Variants in MACF1 observed in about 807,000 individuals in gnomAD.
MACF1 encodes the protein microtubule actin crosslinking factor 1, also known as microtubule-actin cross-linking factor 1.
In MACF1, 193 loss-of-function variants were observed where a neutral mutation model predicts 854.8. That is an observed-to-expected ratio of 0.23 (90% CI 0.20 to 0.25). MACF1 has a LOEUF of 0.25. Among genes scored for constraint, MACF1 ranks in the 10% least tolerant of loss-of-function variants. The probability of loss-of-function intolerance (pLI) is 1.00; values close to 1 mark genes in which losing one functional copy is unlikely to be tolerated. For synonymous variants in MACF1, 3,185 were observed against 3,226.7 expected (o/e 0.99, Z 0.44); for missense variants, 7,722 against 8,929.1 (o/e 0.86, Z 5.45).
intron 2 of MACF1, among the ~76,000 whole-genome samples, chr1:39,094,349 C>T (rs891647921): frequency 6.6e-6 from 1 of 151,528 alleles, no homozygotes; most frequent in Non-Finnish European, 1.5e-5. Context: ...TTGTGGTGAA[C>T]TGAGCTCACG....
chr1:39,422,900 GGTAA>G lies in MACF1; in HGVS notation c.16149+3_16149+6del, dbSNP rs1236578805. The G allele has an allele frequency of 6.2e-7, 1 of 1,613,668 alleles. No homozygotes were observed. The highest frequency in any genetic ancestry group is 2.2e-5 in the East Asian group (1 of 44,862). On this transcript the variant is annotated splice_donor_variant and splice_donor_region_variant and intron_variant, in intron 60 of 100. Coordinates refer to ENST00000564288, the MANE Select transcript of MACF1 (RefSeq NM_001394062.1). LOFTEE classifies it high-confidence loss of function. ...TGAAAGCACAGATCCAAGAACAGAAGGTAAGTGAGAATGTTGGGACAGTGAACTG... is the reference window on the plus strand; with the variant it reads ...TGAAAGCACAGATCCAAGAACAGAAGGTGAGAATGTTGGGACAGTGAACTG...
At chr1:39,104,803 C>T (rs1445825432) in intron 2 of MACF1, among the ~76,000 whole-genome samples, 2 of 152,198 alleles carry the variant, frequency 1.3e-5, no homozygotes, top group African/African-American at 4.8e-5. Flanking sequence ...GGCTCAGTGT[C>T]CTCCGGCCCT....
At chr1:39,339,758 C>T (rs562414324) in intron 38 of MACF1, among the ~76,000 whole-genome samples, 9 of 152,060 alleles carry the variant, frequency 5.9e-5, no homozygotes, top group Non-Finnish European at 7.4e-5. Flanking sequence ...CCCCTAAAAA[C>T]GTAGAAAGAC....
chr1:39,469,399 C>T, intron 96 of MACF1, 148 bp from the exon 97 acceptor site: 1 of 651,262 alleles, frequency 1.5e-6, no homozygotes, highest in South Asian at 1.8e-5. Context: ...AAATCCTCTT[C>T]AGCTATGTCC....
intron 2 of MACF1, among the ~76,000 whole-genome samples, chr1:39,241,056 T>TC (rs1557538517): frequency 3.3e-5 from 5 of 152,030 alleles, no homozygotes; most frequent in African/African-American, 1.2e-4. Flanking sequence ...ATCTGTTTTT[T>TC]TTTTTTTTTT....
At chr1:39,182,612 T>C (rs765471866) in intron 2 of MACF1, among the ~76,000 whole-genome samples, 1 of 152,210 alleles carries the variant, frequency 6.6e-6, no homozygotes, top group Non-Finnish European at 1.5e-5. Flanking sequence ...GATGCTTAGA[T>C]GCTTAACATC....
At chr1:39,236,330 C>T in intron 2 of MACF1, among the ~76,000 whole-genome samples, 1 of 152,188 alleles carries the variant, frequency 6.6e-6, no homozygotes, top group East Asian at 1.9e-4. Flanking sequence ...TCTTGCTGAA[C>T]TATGTGCCAT....
At chr1:39,112,956 C>G (rs1571055400) in intron 2 of MACF1, among the ~76,000 whole-genome samples, 1 of 151,878 alleles carries the variant, frequency 6.6e-6, no homozygotes. Flanking sequence ...GTACTCCAAC[C>G]TAGGCTACAG....
Position 39,311,014 on chromosome 1 carries a change from G to A in MACF1, c.3270+14G>A, listed in dbSNP as rs1307435854. On this transcript the variant is annotated intron_variant, in intron 26 of 100. Transcript: ENST00000564288. The stretch of plus-strand genomic sequence containing the variant: ...GCAGAGCAAGAGGTAAGCCCTAAGA[G>A]CCATGTGGATGCTGGTTGTGGAGTG... 1 of 1,606,022 alleles carries A rather than the reference G, an allele frequency of 6.2e-7. No homozygotes were observed. The highest frequency in any genetic ancestry group is 1.7e-5 in the Admixed American group (1 of 58,712).
chr1:39,251,471 A>G (rs1442730285), intron 3 of MACF1, among the ~76,000 whole-genome samples: 1 of 152,218 alleles, frequency 6.6e-6, no homozygotes, highest in Non-Finnish European at 1.5e-5. Flanking sequence ...AACTATGTCA[A>G]TCTAATTTCT....
intron 2 of MACF1, among the ~76,000 whole-genome samples, chr1:39,091,745 C>T (rs757687673): frequency 2.0e-5 from 3 of 152,140 alleles, no homozygotes; most frequent in Non-Finnish European, 2.9e-5. Context: ...CGTGATCCAC[C>T]TGCTTTGGCC....
Position 39,283,396 on chromosome 1 carries a change from C to T in MACF1, c.809-13C>T. The T allele has an allele frequency of 6.3e-7, 1 of 1,596,740 alleles. No individual in the cohort carries two copies. The highest frequency in any genetic ancestry group is 1.1e-5 in the South Asian group (1 of 90,682). ...TGTTCTGACTAAGAAATTTCTTGTC[C>T]ATTCTCTCTCAGATGTGGATGTGCC... On this transcript the variant is annotated splice_polypyrimidine_tract_variant and intron_variant, in intron 8 of 100. Coordinates refer to ENST00000564288, the MANE Select transcript of MACF1 (RefSeq NM_001394062.1). This position sits in a 1 kb window ranked among gnomAD's most constrained non-coding sequence, Gnocchi z 4.5.
At chr1:39,194,344 TTCTTTTC>T (rs1391995767) in intron 2 of MACF1, among the ~76,000 whole-genome samples, 2,244 of 59,514 alleles carry the variant, frequency 0.038, 141 homozygotes, top group African/African-American at 0.16. Context: ...TTCTTTTCTT[TTCTTTTC>T]TTTTTTTTTT....
In MACF1 at chr1:39,093,305, CTTTTTTTTT is replaced by C. The variant is rs34921076; in HGVS notation, c.220+8886_220+8894del. 1.9e-3 allele frequency among the ~76,000 whole-genome samples: 103 copies of C among 54,178 alleles called. 1 individual carries two copies. The highest frequency in any genetic ancestry group is 8.2e-3 in the Admixed American group (26 of 3,172). 35.5% of individuals were successfully genotyped at this position (54,178 alleles called of 152,430 possible). On this transcript the variant is annotated intron_variant, in intron 2 of 93. Coordinates refer to the MACF1 transcript ENST00000361689. Reference sequence around the variant, plus strand: ...CCCAAGACATTCCCCTACTCCACTTCTTTTTTTTTTTTTTTTTTTTTTTTTTTGAGATGA... The same window carrying C: ...CCCAAGACATTCCCCTACTCCACTTCTTTTTTTTTTTTTTTTTTGAGATGA...
intron 45 of MACF1, 35 bp from the exon 46 acceptor site, chr1:39,358,662 G>C: frequency 6.2e-7 from 1 of 1,607,452 alleles, no homozygotes; most frequent in Non-Finnish European, 8.5e-7. Context: ...GCCTGACCTT[G>C]CTTAAGTCTG....
intron 2 of MACF1, among the ~76,000 whole-genome samples, chr1:39,178,677 C>G (rs1644064758): frequency 1.3e-5 from 2 of 152,166 alleles, no homozygotes; most frequent in South Asian, 4.1e-4. Context: ...CACGTCTTTA[C>G]TGGGCACATT....
intron 6 of MACF1, among the ~76,000 whole-genome samples, chr1:39,261,394 A>G (rs1645162244): frequency 6.6e-6 from 1 of 152,234 alleles, no homozygotes; most frequent in African/African-American, 2.4e-5. Flanking sequence ...TACAATCATC[A>G]CCATAATCTA....
chr1:39,441,391 T>G (rs1327805813), intron 74 of MACF1, 66 bp downstream of exon 74: 1 of 1,334,374 alleles, frequency 7.5e-7, no homozygotes, highest in Non-Finnish European at 1.1e-6. Context: ...TTGTCATTTT[T>G]GGAATTAAGC....
intron 1 of MACF1, among the ~76,000 whole-genome samples, chr1:39,213,503 T>G (rs551910050): frequency 4.6e-4 from 70 of 152,194 alleles, no homozygotes; most frequent in African/African-American, 1.4e-3. Flanking sequence ...AGCTAATTTT[T>G]TTTGTATTTT....
Sources: gnomAD v4.1 joint callset for allele counts (sites outside exome capture counted in the v4.1 genomes callset) on GRCh38, gnomAD v4.1.1 for gene constraint, Gnocchi (gnomAD v3.1) non-coding constraint, MANE v1.5 for transcripts, NCBI Gene and HGNC (gene_info 2026-07-23, HGNC 2026-07-21) for gene names.